The following QKI variants were observed in gnomAD, a reference collection of about 807,000 sequenced individuals.
QKI encodes QKI, KH domain containing RNA binding.
QKI carries 10 observed loss-of-function variants against 39.0 expected under a neutral mutation model. That is an observed-to-expected ratio of 0.26 (90% CI 0.16 to 0.43). QKI has a LOEUF of 0.43. Among genes scored for constraint, QKI ranks in the 20% least tolerant of loss-of-function variants. QKI has a pLI of 1.00. For synonymous variants in QKI, 204 were observed against 155.4 expected, an observed-to-expected ratio of 1.31 and a Z score of -2.33; for missense variants, 218 against 428.0, an observed-to-expected ratio of 0.51 and a Z score of 4.33.
chr6:163,537,242 T>A (rs1781261871), intron 4 of QKI, among the ~76,000 whole-genome samples: 1 of 152,120 alleles, frequency 6.6e-6, no homozygotes, highest in Non-Finnish European at 1.5e-5. Context: ...CCCCTATACT[T>A]CTTGTGAAGA....
Position 163,575,562 on chromosome 6 carries a change from AG to A in QKI, c.*4855del, listed in dbSNP as rs1783935256. The A allele has an allele frequency of 6.6e-6, 1 of 152,206 alleles. No homozygotes were observed. The highest frequency in any genetic ancestry group is 2.1e-4 in the South Asian group (1 of 4,838). 9.4% of individuals were successfully genotyped at this position (152,206 alleles called of 1,614,324 possible). On this transcript the variant is annotated 3_prime_UTR_variant, in exon 8 of 8. Coordinates refer to ENST00000361752, the MANE Select transcript of QKI (RefSeq NM_006775.3). ...AAACTTTTCCTTTAGGCAAAATGTC[AG>A]GGAAAACTTAACATGAAAGTAGTTA...
chr6:163,498,749 C>CGT (rs1397809755), intron 3 of QKI, among the ~76,000 whole-genome samples: 1 of 152,024 alleles, frequency 6.6e-6, no homozygotes, highest in East Asian at 1.9e-4. Context: ...CAGGTTTGTA[C>CGT]GTGTGTCTGC....
At chr6:163,563,917 T>A (rs1342545515) in intron 6 of QKI, 198 bp downstream of exon 6, 1 of 1,409,246 alleles carries the variant, frequency 7.1e-7, no homozygotes, top group Non-Finnish European at 9.2e-7. Flanking sequence ...TTTATTCAGA[T>A]CCACTTTGGT....
intron 6 of QKI, chr6:163,565,614 T>G (rs1464891020): frequency 2.0e-6 from 2 of 1,010,958 alleles, no homozygotes; most frequent in Admixed American, 1.1e-4. Context: ...TGCAGATTTC[T>G]AATTGGCATT....
At chr6:163,457,001 A>G (rs993938951) in intron 2 of QKI, among the ~76,000 whole-genome samples, 1 of 152,138 alleles carries the variant, frequency 6.6e-6, no homozygotes, top group Admixed American at 6.5e-5. Flanking sequence ...CCTAGACAGG[A>G]CCACTGTGAG....
chr6:163,456,815 A>G (rs1790956331), intron 2 of QKI, among the ~76,000 whole-genome samples: 1 of 152,106 alleles, frequency 6.6e-6, no homozygotes, highest in Admixed American at 6.6e-5. Flanking sequence ...TTAGGCTAGG[A>G]ATCAGGGCAT....
chr6:163,556,565 A>G (rs148644785), intron 4 of QKI, among the ~76,000 whole-genome samples: 8 of 151,472 alleles, frequency 5.3e-5, no homozygotes, highest in South Asian at 2.1e-4. Flanking sequence ...ACATATCTAT[A>G]TCTTAATATG....
At chr6:163,503,148 T>A (rs1165276959) in intron 3 of QKI, among the ~76,000 whole-genome samples, 1 of 148,302 alleles carries the variant, frequency 6.7e-6, no homozygotes, top group Admixed American at 6.8e-5. Flanking sequence ...TTTTTTTTTT[T>A]TTTTTTTTTT....
chr6:163,541,150 AAAT>A (rs1331896787), intron 4 of QKI, among the ~76,000 whole-genome samples: 1 of 152,060 alleles, frequency 6.6e-6, no homozygotes, highest in Non-Finnish European at 1.5e-5. Flanking sequence ...TGTATCCAAC[AAAT>A]AATATTATGC....
At chr6:163,505,797 G>A (rs542548191) in intron 3 of QKI, among the ~76,000 whole-genome samples, 11 of 152,118 alleles carry the variant, frequency 7.2e-5, no homozygotes, top group Non-Finnish European at 1.6e-4. Flanking sequence ...TAAGACTTTG[G>A]GGAAGTAACT....
Position 163,570,892 on chromosome 6 carries a change from A to C in QKI, c.*182A>C. On this transcript the variant is annotated 3_prime_UTR_variant, in exon 8 of 8. Coordinates refer to ENST00000361752, the MANE Select transcript of QKI (RefSeq NM_006775.3). ...CAAAGAAATTGTTGTCCTCCAACTC[A>C]GCTTTTTTTTTTTTTTTTTCCTGTT... 1.4e-6 allele frequency: 1 copy of C among 731,322 alleles called. No homozygotes were observed. Among genetic ancestry groups the C allele is most frequent in the Non-Finnish European group, 2.1e-6 (1 of 485,230 alleles). 45.3% of individuals were successfully genotyped at this position (731,322 alleles called of 1,614,324 possible).
chr6:163,511,681 G>C (rs925463631), intron 3 of QKI, among the ~76,000 whole-genome samples: 1 of 151,760 alleles, frequency 6.6e-6, no homozygotes, highest in Non-Finnish European at 1.5e-5. Context: ...ATTGATTAGA[G>C]AAGCTGAATT....
At chr6:163,567,281 A>G in intron 7 of QKI, 1 of 987,646 alleles carries the variant, frequency 1.0e-6, no homozygotes, top group Non-Finnish European at 1.2e-6. Context: ...TATTTGAGCC[A>G]CTGTATAAAC....
At chr6:163,487,977 T>C (rs1777783933) in intron 3 of QKI, among the ~76,000 whole-genome samples, 1 of 152,172 alleles carries the variant, frequency 6.6e-6, no homozygotes, top group Non-Finnish European at 1.5e-5. Context: ...AAATGTTTAA[T>C]TCTTTATTTG....
At chr6:163,484,813 T>A (rs1793343421) in intron 3 of QKI, among the ~76,000 whole-genome samples, 2 of 152,130 alleles carry the variant, frequency 1.3e-5, no homozygotes, top group African/African-American at 4.8e-5. Context: ...GCAGACATAA[T>A]AATAATAGTA....
intron 1 of QKI, among the ~76,000 whole-genome samples, chr6:163,447,613 T>C (rs537903925): frequency 6.6e-6 from 1 of 152,208 alleles, no homozygotes; most frequent in Non-Finnish European, 1.5e-5. Context: ...ACGATATTTG[T>C]TAATTCTTTA....
At chr6:163,474,087 ATGT>A (rs747025586) in intron 2 of QKI, among the ~76,000 whole-genome samples, 4 of 152,190 alleles carry the variant, frequency 2.6e-5, no homozygotes, top group Non-Finnish European at 2.9e-5. Context: ...TTAAGGAGAA[ATGT>A]TGTTTTAATA....
intron 1 of QKI, among the ~76,000 whole-genome samples, chr6:163,450,182 C>G (rs1054292087): frequency 6.6e-6 from 1 of 152,036 alleles, no homozygotes; most frequent in Non-Finnish European, 1.5e-5. Context: ...CTCAGCCTCC[C>G]GAGTAGCTGG....
At chr6:163,507,111 A>T (rs1779149630) in intron 3 of QKI, among the ~76,000 whole-genome samples, 1 of 152,210 alleles carries the variant, frequency 6.6e-6, no homozygotes, top group African/African-American at 2.4e-5. Flanking sequence ...GGTGTGCTGT[A>T]TCACCTGTGA....
Sources: gnomAD v4.1 joint callset for allele counts (sites outside exome capture counted in the v4.1 genomes callset) on GRCh38, gnomAD v4.1.1 for gene constraint, MANE v1.5 for transcripts, NCBI Gene and HGNC (gene_info 2026-07-23, HGNC 2026-07-21) for gene names.